The following ERBB2 variants were observed in gnomAD, a reference collection of about 807,000 sequenced individuals.
ERBB2 encodes the protein receptor tyrosine-protein kinase erbB-2.
ERBB2 carries 61 observed loss-of-function variants against 149.0 expected under a neutral mutation model. That is an observed-to-expected ratio of 0.41 (90% CI 0.33 to 0.51). The LOEUF (loss-of-function observed/expected upper bound fraction) is 0.51, where lower values mean the gene tolerates loss of function less well. ERBB2 is among the 20% of genes least tolerant of loss of function. The pLI, the probability that ERBB2 is intolerant of heterozygous loss-of-function variation, is 0.25. For synonymous variants in ERBB2, 633 were observed against 678.8 expected (o/e 0.93, Z 1.05); for missense variants, 1,205 against 1,655.1 (o/e 0.73, Z 4.72).
intron 5 of ERBB2, 22 bp downstream of exon 5, chr17:39,709,903 A>T (rs2145493996): frequency 6.2e-7 from 1 of 1,606,816 alleles, no homozygotes; most frequent in Non-Finnish European, 8.5e-7. Context: ...GGAGGCCTGG[A>T]GTCAGGGAAG....
upstream of ERBB2, chr17:39,699,994 AGGAGAAGGAGGAGGT>A: frequency 7.9e-7 from 1 of 1,265,492 alleles, no homozygotes; most frequent in East Asian, 3.1e-5. Flanking sequence ...TCCCAATCAC[AGGAGAAGGAGGAGGT>A]GGAGGAGGAG....
At position 39,723,374 on chromosome 17, in the gene ERBB2, G is replaced by C. The variant is rs372616729; in HGVS notation, c.2002G>C (p.Gly668Arg). Residue 668 changes from glycine to arginine, a missense_variant, in exon 17 of 27, where the codon GGG becomes CGG. Physicochemically the swap from Gly to Arg is moderately radical, Grantham distance 125. This residue lies in a region of ERBB2 where 569 missense variants were observed against 803.5 expected (regional missense o/e 0.71). Transcript: ENST00000269571. This position sits in a 1 kb window ranked among gnomAD's most constrained non-coding sequence, Gnocchi z 6.2. ...VVGILLVVVL[G>R]VVFGILIKRR... ...TGGCATTCTGCTGGTCGTGGTCTTG[G>C]GGGTGGTCTTTGGGATCCTCATCAA... The C allele has an allele frequency of 1.1e-5, 17 of 1,614,158 alleles. No individual in the cohort carries two copies. Among genetic ancestry groups the C allele is most frequent in the Non-Finnish European group, 1.4e-5 (17 of 1,180,032 alleles).
chr17:39,724,272 A>ATTTTTTTGTTTTTTTTT (rs2059617024), intron 19 of ERBB2, among the ~76,000 whole-genome samples: 1 of 77,016 alleles, frequency 1.3e-5, no homozygotes, highest in Non-Finnish European at 2.7e-5. Flanking sequence ...GCGCCCGCTA[A>ATTTTTTTGTTTTTTTTT]TTTTTTTTTT....
At position 39,723,909 on chromosome 17, in the gene ERBB2, C is replaced by T. The variant is rs2145824806; in HGVS notation, c.2209-3C>T. 6.2e-7 allele frequency: 1 copy of T among 1,612,522 alleles called. No homozygotes were observed. The highest frequency in any genetic ancestry group is 1.1e-5 in the South Asian group (1 of 91,032). On this transcript the variant is annotated splice_polypyrimidine_tract_variant and splice_region_variant and intron_variant, in intron 18 of 26. Transcript: ENST00000269571. The surrounding 1 kb of genome is among the most constrained non-coding windows in gnomAD (Gnocchi z 6.2). Reference sequence around the variant, plus strand: ...TCACTCATATCCTCCTCTTTCTGCCCAGGGCATCTGGATCCCTGATGGGGA... The same window carrying T: ...TCACTCATATCCTCCTCTTTCTGCCTAGGGCATCTGGATCCCTGATGGGGA...
intron 3 of ERBB2, 59 bp downstream of exon 3, chr17:39,708,593 G>A (rs1597862445): frequency 1.5e-6 from 2 of 1,358,214 alleles, no homozygotes; most frequent in East Asian, 4.6e-5. Flanking sequence ...CAGGGCCACT[G>A]CTAACCAGGG....
chr17:39,692,452 T>C (rs941266674), upstream of ERBB2, among the ~76,000 whole-genome samples: 1 of 151,206 alleles, frequency 6.6e-6, no homozygotes, highest in Non-Finnish European at 1.5e-5. Context: ...GTTACCCAGG[T>C]TGGAGTGCAA....
chr17:39,724,035 TAGG>T (rs781428084), intron 19 of ERBB2, 25 bp downstream of exon 19: 1 of 1,553,418 alleles, frequency 6.4e-7, no homozygotes, highest in Non-Finnish European at 8.9e-7. Flanking sequence ...CCTCTCCTGC[TAGG>T]AGGACAGGAA....
intron 15 of ERBB2, 175 bp downstream of exon 15, chr17:39,717,655 G>C: frequency 1.8e-6 from 1 of 555,080 alleles, no homozygotes; most frequent in Non-Finnish European, 3.1e-6. Context: ...TAATGCCCTA[G>C]CAGTTCTATC....
At chr17:39,715,621 C>T (rs992806211) in intron 11 of ERBB2, 85 bp downstream of exon 11, 1 of 1,540,760 alleles carries the variant, frequency 6.5e-7, no homozygotes, top group Non-Finnish European at 9.0e-7. Flanking sequence ...AGGGAGTACT[C>T]CTGTAGCAGT....
chr17:39,709,509 A>G (rs1761878718), intron 4 of ERBB2, 57 bp downstream of exon 4: 6 of 1,600,494 alleles, frequency 3.7e-6, no homozygotes, highest in Non-Finnish European at 5.1e-6. Flanking sequence ...CCCAGCCGCA[A>G]ACTCCCAACT....
rs772461233 is a variant in ERBB2, at chr17:39,717,311, C to G, written c.1738-9C>G. The G allele has an allele frequency of 1.3e-6, 2 of 1,590,944 alleles. No homozygotes were observed. Among genetic ancestry groups the G allele is most frequent in the East Asian group, 2.3e-5 (1 of 44,074 alleles). ...CCAGCCCCCCACAAATCTTTTCTGCCCCCCCCAGGAGGCTGACCAGTGTGT... is the reference window on the plus strand; with the variant it reads ...CCAGCCCCCCACAAATCTTTTCTGCGCCCCCCAGGAGGCTGACCAGTGTGT... On this transcript the variant is annotated splice_polypyrimidine_tract_variant and intron_variant, in intron 14 of 26. Transcript: ENST00000269571.
At chr17:39,708,110 C>A in intron 2 of ERBB2, 1 of 496,192 alleles carries the variant, frequency 2.0e-6, no homozygotes, top group Non-Finnish European at 3.6e-6. Context: ...GAAATGCCCC[C>A]CCACCATTAT....
At chr17:39,724,272 A>ATTTTTGTTTTTTTTTTTTTTTT (rs2059616375) in intron 19 of ERBB2, among the ~76,000 whole-genome samples, 1 of 77,016 alleles carries the variant, frequency 1.3e-5, no homozygotes, top group Non-Finnish European at 2.7e-5. Flanking sequence ...GCGCCCGCTA[A>ATTTTTGTTTTTTTTTTTTTTTT]TTTTTTTTTT....
At chr17:39,709,197 C>T in intron 3 of ERBB2, 121 bp from the exon 4 acceptor site, 1 of 1,159,674 alleles carries the variant, frequency 8.6e-7, no homozygotes, top group East Asian at 2.4e-5. Flanking sequence ...TTTCTCTCCT[C>T]CCTGGGGAAT....
Position 39,715,373 on chromosome 17 carries a change from C to T in ERBB2, c.1222+14C>T. 1 of 1,613,892 alleles carries T rather than the reference C, an allele frequency of 6.2e-7. No homozygotes were observed. The highest frequency in any genetic ancestry group is 8.5e-7 in the Non-Finnish European group (1 of 1,179,866). On this transcript the variant is annotated intron_variant, in intron 10 of 26. Coordinates refer to ENST00000269571, the MANE Select transcript of ERBB2 (RefSeq NM_004448.4). ...AAGAGATCACAGGTGGGCTCTGTCT[C>T]TGCATCCTGTTCTGCAGGGGCTGGG...
intron 1 of ERBB2, among the ~76,000 whole-genome samples, chr17:39,704,097 CT>C (rs2145342759): frequency 6.6e-6 from 1 of 152,292 alleles, no homozygotes; most frequent in African/African-American, 2.4e-5. Context: ...TGTTCGGAGA[CT>C]CGTGACTGGA....
intron 8 of ERBB2, 132 bp downstream of exon 8, chr17:39,712,179 C>A: frequency 6.5e-7 from 1 of 1,527,416 alleles, no homozygotes; most frequent in Non-Finnish European, 9.0e-7. Flanking sequence ...CTCTCTACCC[C>A]TGGCCCCCCT....
chr17:39,702,341 T>G (rs1265088905), intron 1 of ERBB2, among the ~76,000 whole-genome samples: 1 of 152,066 alleles, frequency 6.6e-6, no homozygotes, highest in Non-Finnish European at 1.5e-5. Flanking sequence ...CACCCAGATT[T>G]TACCCAAGGG....
At chr17:39,690,277 G>T (rs1032347547), upstream of ERBB2, among the ~76,000 whole-genome samples, 1 of 152,134 alleles carries the variant, frequency 6.6e-6, no homozygotes, top group Middle Eastern at 3.4e-3. Context: ...GTAGAGACAC[G>T]GTCTTGCTAT....
Sources: allele counts gnomAD v4.1 joint callset (sites outside exome capture counted in the v4.1 genomes callset), GRCh38; gene constraint gnomAD v4.1.1; regional missense constraint gnomAD v4.1.1; non-coding constraint Gnocchi (gnomAD v3.1); transcripts MANE v1.5; gene names NCBI Gene and HGNC (gene_info 2026-07-23, HGNC 2026-07-21).